Variants in CACNA2D1 observed in about 807,000 individuals in gnomAD.
The protein encoded by CACNA2D1 is voltage-dependent calcium channel subunit alpha-2/delta-1.
Under a neutral mutation model 171.5 loss-of-function variants are expected in CACNA2D1, and 53 were observed. The observed-to-expected ratio is 0.31, with a 90% CI of 0.25 to 0.39. CACNA2D1 has a LOEUF of 0.39. Among genes scored for constraint, CACNA2D1 ranks in the 10% least tolerant of loss-of-function variants. CACNA2D1 has a pLI of 1.00. For synonymous variants in CACNA2D1, 442 were observed against 443.1 expected (o/e 1.00, Z 0.03); for missense variants, 903 against 1,299.8 (o/e 0.69, Z 4.69).
chr7:82,192,811 A>G (rs1036874859), intron 3 of CACNA2D1, among the ~76,000 whole-genome samples: 1 of 150,940 alleles, frequency 6.6e-6, no homozygotes, highest in Admixed American at 6.6e-5. Context: ...ACACACACAC[A>G]CACACACAAA....
intron 15 of CACNA2D1, among the ~76,000 whole-genome samples, chr7:82,008,218 A>C (rs1032697593): frequency 6.6e-5 from 10 of 152,128 alleles, no homozygotes; most frequent in African/African-American, 2.2e-4. Context: ...CTTCATGCTA[A>C]ATGAAAAATG....
intron 3 of CACNA2D1, among the ~76,000 whole-genome samples, chr7:82,212,916 T>TC (rs1329112860): frequency 3.3e-5 from 5 of 151,930 alleles, no homozygotes; most frequent in Non-Finnish European, 7.4e-5. Flanking sequence ...TTTTTTTTTT[T>TC]CTGAGATGGA....
intron 3 of CACNA2D1, among the ~76,000 whole-genome samples, chr7:82,279,788 T>C (rs1368183058): frequency 6.6e-6 from 1 of 152,184 alleles, no homozygotes; most frequent in African/African-American, 2.4e-5. Flanking sequence ...ATAATAAGTA[T>C]ATATACCGCT....
At chr7:82,213,452 C>T (rs1473357048) in intron 3 of CACNA2D1, among the ~76,000 whole-genome samples, 1 of 152,066 alleles carries the variant, frequency 6.6e-6, no homozygotes, top group Non-Finnish European at 1.5e-5. Flanking sequence ...ACTCAGCTCT[C>T]CTTCCTCACC....
intron 10 of CACNA2D1, among the ~76,000 whole-genome samples, chr7:82,052,270 T>C (rs1158366555): frequency 1.3e-5 from 2 of 152,180 alleles, no homozygotes; most frequent in Non-Finnish European, 1.5e-5. Flanking sequence ...CTTATTACTA[T>C]GGATTCCTGA....
chr7:82,401,012 T>C (rs1234088832), intron 1 of CACNA2D1, among the ~76,000 whole-genome samples: 2 of 152,092 alleles, frequency 1.3e-5, no homozygotes, highest in Non-Finnish European at 2.9e-5. Flanking sequence ...TGAGATACCA[T>C]CTCACACCAG....
At chr7:82,335,088 G>A in intron 3 of CACNA2D1, 47 bp downstream of exon 3, 1 of 1,183,794 alleles carries the variant, frequency 8.4e-7, no homozygotes, top group Non-Finnish European at 1.3e-6. Context: ...TTAAATAATA[G>A]ATAAGTAAGG....
intron 4 of CACNA2D1, among the ~76,000 whole-genome samples, chr7:82,151,129 C>A (rs1361317851): frequency 6.6e-6 from 1 of 152,010 alleles, no homozygotes; most frequent in Non-Finnish European, 1.5e-5. Flanking sequence ...CTCAACATAG[C>A]CCTAGTTAAA....
intron 3 of CACNA2D1, among the ~76,000 whole-genome samples, chr7:82,319,127 A>T (rs1815492719): frequency 6.6e-6 from 1 of 152,224 alleles, no homozygotes; most frequent in African/African-American, 2.4e-5. Context: ...ATGAGTAAAT[A>T]CAAAAAAGTC....
chr7:82,344,965 A>G (rs1464950146), intron 2 of CACNA2D1, among the ~76,000 whole-genome samples: 1 of 152,172 alleles, frequency 6.6e-6, no homozygotes, highest in Non-Finnish European at 1.5e-5. Flanking sequence ...AATATCTGAT[A>G]TTCTAATATG....
At chr7:81,952,086 A>T (rs959185443) in intron 38 of CACNA2D1, among the ~76,000 whole-genome samples, 1 of 146,308 alleles carries the variant, frequency 6.8e-6, no homozygotes, top group African/African-American at 2.5e-5. Context: ...ATAATTAGTG[A>T]TGTTGAGCAA....
Position 82,012,148 on chromosome 7 carries a change from T to TCTTA in CACNA2D1, c.1362+2_1362+5dup, listed in dbSNP as rs1219447657. The TCTTA allele has an allele frequency of 8.5e-6, 13 of 1,522,184 alleles. No individual in the cohort carries two copies. The highest frequency in any genetic ancestry group is 1.2e-5 in the Non-Finnish European group (13 of 1,096,852). The allele number at this position is 1,522,184 out of a possible 1,614,324, so 94.3% of individuals were successfully genotyped here. On this transcript the variant is annotated splice_donor_region_variant and intron_variant, in intron 15 of 38. Transcript: ENST00000356860. Reference sequence around the variant, plus strand: ...CAGTCTTTGACTGAATAGCTCAACCTCTTACCAATGCATCCAGGTACACAT... The same window carrying TCTTA: ...CAGTCTTTGACTGAATAGCTCAACCTCTTACTTACCAATGCATCCAGGTACACAT...
rs553642535 is a variant in CACNA2D1 at position 81,951,388 on chromosome 7, GGTTTT to G, written c.3160-885_3160-881del. Among the ~76,000 whole-genome samples, 292 of 152,076 alleles carry G rather than the reference GGTTTT, an allele frequency of 1.9e-3. 1 individual carries two copies. Among genetic ancestry groups the G allele is most frequent in the African/African-American group, 6.6e-3 (274 of 41,492 alleles). On this transcript the variant is annotated intron_variant, in intron 38 of 38. Transcript: ENST00000356860. ...TTTCAATAGATTTTGGGGAACAGGT[GGTTTT>G]GGTTACATGGATAATTCTTTAGTGG...
chr7:82,249,623 CT>C (rs1349969068), intron 3 of CACNA2D1, among the ~76,000 whole-genome samples: 5 of 152,186 alleles, frequency 3.3e-5, no homozygotes, highest in Non-Finnish European at 7.3e-5. Flanking sequence ...TGAAATCATC[CT>C]TTTCATCCGT....
chr7:81,946,822 A>C lies in CACNA2D1; in HGVS notation c.*3570T>G, dbSNP rs978083731. 4.6e-5 allele frequency: 7 copies of C among 152,136 alleles called. No individual in the cohort carries two copies. The highest frequency in any genetic ancestry group is 1.2e-4 in the African/African-American group (5 of 41,448). The allele number at this position is 152,136 out of a possible 1,614,324, so 9.4% of individuals were successfully genotyped here. On this transcript the variant is annotated 3_prime_UTR_variant, in exon 39 of 39. Transcript: ENST00000356860. ...GGAATTTGAGATAACTGTGTGAACT[A>C]GAAATAAGGTAGATGAAGAGTTGTC... is the stretch of plus-strand genomic sequence containing the variant.
chr7:82,362,657 T>A (rs532271294), intron 1 of CACNA2D1, among the ~76,000 whole-genome samples: 333 of 152,328 alleles, frequency 2.2e-3, no homozygotes, highest in African/African-American at 7.6e-3. Flanking sequence ...TATCCTCTCA[T>A]GTCTCTTGAT....
At chr7:81,978,195 T>A (rs1173420533) in intron 24 of CACNA2D1, among the ~76,000 whole-genome samples, 2 of 152,196 alleles carry the variant, frequency 1.3e-5, no homozygotes, top group African/African-American at 4.8e-5. Flanking sequence ...CTCAAGGATC[T>A]AGAACCAGAA....
chr7:82,347,616 CGG>C (rs879575083), intron 2 of CACNA2D1, among the ~76,000 whole-genome samples: 5 of 152,080 alleles, frequency 3.3e-5, no homozygotes, highest in Non-Finnish European at 5.9e-5. Context: ...TGAGGCAATA[CGG>C]AATCATCTGT....
intron 1 of CACNA2D1, among the ~76,000 whole-genome samples, chr7:82,394,601 C>T (rs1317526324): frequency 1.3e-5 from 2 of 152,070 alleles, no homozygotes; most frequent in African/African-American, 4.8e-5. Flanking sequence ...ATTCCTGAAG[C>T]GGCAATAAGC....
Sources: gnomAD v4.1 joint callset for allele counts (sites outside exome capture counted in the v4.1 genomes callset) on GRCh38, gnomAD v4.1.1 for gene constraint, MANE v1.5 for transcripts, NCBI Gene and HGNC (gene_info 2026-07-23, HGNC 2026-07-21) for gene names.